The following NSRP1 variants were observed in gnomAD, a reference collection of about 807,000 sequenced individuals.
NSRP1 encodes the protein coiled-coil domain containing 55.
A neutral mutation model predicts 54.7 loss-of-function variants in NSRP1; 24 were observed. That is an observed-to-expected ratio of 0.44 (90% CI 0.32 to 0.62). NSRP1 has a LOEUF of 0.62. Ranked by LOEUF, NSRP1 falls within the 20% of genes least tolerant of loss-of-function variation. The pLI is 0.06. For missense variants in NSRP1, 596 were observed against 651.2 expected (o/e 0.92, Z 0.92); for synonymous variants, 210 against 213.8 (o/e 0.98, Z 0.15).
chr17:30,124,109 TA>T (rs35798766), intron 2 of NSRP1, among the ~76,000 whole-genome samples: 1,556 of 138,672 alleles, frequency 0.011, 19 homozygotes, highest in African/African-American at 0.034. Flanking sequence ...CCCGTCTCTA[TA>T]AAAAAAAAAA....
intron 2 of NSRP1, among the ~76,000 whole-genome samples, chr17:30,151,541 A>G (rs899792072): frequency 1.3e-5 from 2 of 152,184 alleles, no homozygotes; most frequent in Non-Finnish European, 2.9e-5. Flanking sequence ...GATCATCATA[A>G]AGGTCTTCCT....
chr17:30,125,423 G>C (rs2071641097), intron 2 of NSRP1, among the ~76,000 whole-genome samples: 2 of 152,214 alleles, frequency 1.3e-5, no homozygotes, highest in African/African-American at 4.8e-5. Context: ...TTTAAGATCA[G>C]ATTTTTTCTC....
rs138368014 is a variant in NSRP1 at position 30,171,687 on chromosome 17, C to A, written c.115-855C>A. 3.8e-3 allele frequency among the ~76,000 whole-genome samples: 573 copies of A among 152,200 alleles called. 3 individuals carry two copies. The highest frequency in any genetic ancestry group is 5.1e-3 in the Non-Finnish European group (350 of 67,992). On this transcript the variant is annotated intron_variant, in intron 2 of 6. Coordinates refer to ENST00000247026, the MANE Select transcript of NSRP1 (RefSeq NM_032141.4). ...ACAAGATTTTGTTTCAGTCTCTGGC[C>A]TAAGACTGAGACTGTTCTTGCTTTT...
At position 30,166,862 on chromosome 17, in the gene NSRP1, G is replaced by T. The variant is rs538486263; in HGVS notation, c.115-5680G>T. On this transcript the variant is annotated intron_variant, in intron 2 of 6. Transcript: ENST00000247026. ...AATCGCTTGAACCCGGGAGGCAGAG[G>T]TTTCAGTGAGCTGAAATCACACCAC... Among the ~76,000 whole-genome samples the T allele has an allele frequency of 9.2e-5, 14 of 152,182 alleles. No homozygotes were observed. The East Asian group carries it at 2.7e-3, about 29-fold the overall frequency.
At chr17:30,159,121 T>A (rs1317675038) in intron 2 of NSRP1, among the ~76,000 whole-genome samples, 1 of 152,220 alleles carries the variant, frequency 6.6e-6, no homozygotes, top group Non-Finnish European at 1.5e-5. Flanking sequence ...TTTTTTTGTG[T>A]CCTCTTTAAT....
intron 2 of NSRP1, among the ~76,000 whole-genome samples, chr17:30,133,602 A>C (rs545635404): frequency 6.6e-6 from 1 of 152,180 alleles, no homozygotes; most frequent in Non-Finnish European, 1.5e-5. Flanking sequence ...CAGCCTTTGA[A>C]GCTTTGAAGC....
At chr17:30,159,969 G>GT (rs1567800727) in intron 2 of NSRP1, among the ~76,000 whole-genome samples, 8 of 152,214 alleles carry the variant, frequency 5.3e-5, no homozygotes, top group Admixed American at 4.6e-4. Flanking sequence ...GCCAAGGTAT[G>GT]TTTTTTCTGT....
intron 2 of NSRP1, among the ~76,000 whole-genome samples, chr17:30,119,471 A>G (rs958916750): frequency 1.3e-5 from 2 of 152,006 alleles, no homozygotes; most frequent in Admixed American, 1.3e-4. Flanking sequence ...TTGGCCTCCC[A>G]AAGTGTTGGG....
At chr17:30,177,665 G>C (rs753228931) in intron 3 of NSRP1, among the ~76,000 whole-genome samples, 1 of 152,058 alleles carries the variant, frequency 6.6e-6, no homozygotes, top group African/African-American at 2.4e-5. Flanking sequence ...TGTTTCCATC[G>C]TACCTTTTGA....
At chr17:30,145,869 A>G (rs946587934) in intron 2 of NSRP1, among the ~76,000 whole-genome samples, 4 of 152,058 alleles carry the variant, frequency 2.6e-5, no homozygotes, top group Non-Finnish European at 4.4e-5. Flanking sequence ...GTTTTGTTTT[A>G]GACAAGGACC....
chr17:30,153,703 T>C (rs980221964), intron 2 of NSRP1, among the ~76,000 whole-genome samples: 4 of 152,176 alleles, frequency 2.6e-5, no homozygotes, highest in Non-Finnish European at 5.9e-5. Flanking sequence ...CATGACTAGA[T>C]GCAACAGGCC....
intron 5 of NSRP1, among the ~76,000 whole-genome samples, chr17:30,180,447 C>T (rs939930982): frequency 2.6e-5 from 4 of 152,222 alleles, no homozygotes; most frequent in African/African-American, 9.6e-5. Context: ...TGAGCCACTG[C>T]GCCCATCCTC....
At chr17:30,117,438 T>G in intron 1 of NSRP1, 1 of 429,222 alleles carries the variant, frequency 2.3e-6, no homozygotes, top group Non-Finnish European at 4.1e-6. Context: ...TGATGCGGCC[T>G]CCCGTGATCT....
intron 2 of NSRP1, among the ~76,000 whole-genome samples, chr17:30,151,581 C>A (rs999003174): frequency 6.6e-6 from 1 of 151,796 alleles, no homozygotes; most frequent in Admixed American, 6.6e-5. Context: ...TTGAGCTAGC[C>A]GAGGAGAAGG....
At chr17:30,154,179 G>T (rs1371103139) in intron 2 of NSRP1, among the ~76,000 whole-genome samples, 1 of 152,064 alleles carries the variant, frequency 6.6e-6, no homozygotes, top group Non-Finnish European at 1.5e-5. Context: ...AAATAAGCCA[G>T]ATGTGGTGGC....
intron 2 of NSRP1, chr17:30,163,165 A>G (rs542237351): frequency 1.3e-5 from 2 of 150,834 alleles, no homozygotes; most frequent in East Asian, 3.9e-4. Context: ...GATTACAGGC[A>G]TGTACCACCA....
chr17:30,129,060 A>AT lies in NSRP1; in HGVS notation c.114+10898dup, dbSNP rs879595404. 4.5e-4 allele frequency among the ~76,000 whole-genome samples: 66 copies of AT among 146,594 alleles called. 1 individual carries two copies. Among genetic ancestry groups the AT allele is most frequent in the South Asian group, 3.3e-3 (15 of 4,612 alleles). ...GGTGTGAGCCACCACGCCTGGCATG[A>AT]TTTTTTTTTTTATACTTTTCTGTAT... On this transcript the variant is annotated intron_variant, in intron 2 of 6. Transcript: ENST00000247026.
intron 3 of NSRP1, among the ~76,000 whole-genome samples, chr17:30,176,618 C>CCCCA (rs1555583105): frequency 3.3e-5 from 4 of 120,370 alleles, no homozygotes; most frequent in East Asian, 2.9e-4. Flanking sequence ...CCCCCCCCCC[C>CCCCA]AAAAAAAAAA....
chr17:30,165,692 A>G (rs1249950248), intron 2 of NSRP1, among the ~76,000 whole-genome samples: 1 of 152,238 alleles, frequency 6.6e-6, no homozygotes, highest in Non-Finnish European at 1.5e-5. Context: ...AGCCACTATC[A>G]GTTCTAGAAA....
Sources: allele counts gnomAD v4.1 joint callset (sites outside exome capture counted in the v4.1 genomes callset), GRCh38; gene constraint gnomAD v4.1.1; transcripts MANE v1.5; gene names NCBI Gene and HGNC (gene_info 2026-07-23, HGNC 2026-07-21).